Variants in CA9 observed in about 807,000 individuals in gnomAD.
The protein encoded by CA9 is carbonic anhydrase 9.
In CA9, 43 loss-of-function variants were observed where a neutral mutation model predicts 51.8. That is an observed-to-expected ratio of 0.83 (90% CI 0.65 to 1.07). The LOEUF (loss-of-function observed/expected upper bound fraction) is 1.07. CA9 is among the 50% of genes least tolerant of loss of function. CA9 has a pLI of 0.00. For missense variants in CA9, 574 were observed against 581.4 expected, an observed-to-expected ratio of 0.99 and a Z score of 0.13; for synonymous variants, 253 against 244.2, an observed-to-expected ratio of 1.04 and a Z score of -0.34.
At position 35,680,371 on chromosome 9, in the gene CA9, C is replaced by A. The variant is rs185638034; in HGVS notation, c.1237+232C>A. Among the ~76,000 whole-genome samples the A allele has an allele frequency of 3.1e-3, 473 of 152,232 alleles. 1 individual carries two copies. The highest frequency in any genetic ancestry group is 5.4e-3 in the Non-Finnish European group (365 of 68,024). ...ATCCCTCTCGCAAAACAATCCCCCCCCTTTTTTTAAAGATAGGGTCTCACT... is the reference window on the plus strand; with the variant it reads ...ATCCCTCTCGCAAAACAATCCCCCCACTTTTTTTAAAGATAGGGTCTCACT... On this transcript the variant is annotated intron_variant, in intron 9 of 10. Coordinates refer to ENST00000378357, the MANE Select transcript of CA9 (RefSeq NM_001216.3).
rs1587943549 is a variant in CA9, at chr9:35,674,426, A to G, written c.403+64A>G. 2.7e-6 allele frequency: 4 copies of G among 1,484,256 alleles called. No homozygotes were observed. The East Asian group carries it at 9.0e-5, about 34-fold the overall frequency. 91.9% of individuals were successfully genotyped at this position (1,484,256 alleles called of 1,614,324 possible). ...GTTCATGACTCCCCTCCCATACCCCAGCCTAGGCTCTGTTCACTCAGGGAA... is the reference window on the plus strand; with the variant it reads ...GTTCATGACTCCCCTCCCATACCCCGGCCTAGGCTCTGTTCACTCAGGGAA... On this transcript the variant is annotated intron_variant, in intron 1 of 10. Coordinates refer to ENST00000378357, the MANE Select transcript of CA9 (RefSeq NM_001216.3).
At chr9:35,676,726 G>A (rs754136277) in intron 5 of CA9, among the ~76,000 whole-genome samples, 116 of 152,206 alleles carry the variant, frequency 7.6e-4, no homozygotes, top group Non-Finnish European at 1.8e-4. Context: ...GGTGTTCATT[G>A]CAGAGGAAAC....
chr9:35,679,817 C>A, intron 7 of CA9, 37 bp from the exon 8 acceptor site: 3 of 1,545,042 alleles, frequency 1.9e-6, no homozygotes, highest in Non-Finnish European at 1.7e-6. Flanking sequence ...TCCTGTCATG[C>A]CATGAACCCA....
At position 35,674,334 on chromosome 9, in the gene CA9, C is replaced by T; in HGVS notation, c.375C>T (p.Pro125=). 2 of 1,613,210 alleles carry T rather than the reference C, an allele frequency of 1.2e-6. No homozygotes were observed. Among genetic ancestry groups the T allele is most frequent in the Non-Finnish European group, 1.7e-6 (2 of 1,179,740 alleles). Residue 125 remains proline, a synonymous_variant, in exon 1 of 11, where the codon CCC becomes CCT. Coordinates refer to ENST00000378357, the MANE Select transcript of CA9 (RefSeq NM_001216.3). ...AGGCTCCTGGAGATCCTCAAGAACC[C>T]CAGAATAATGCCCACAGGGACAAAG... The part of the protein sequence containing the change: ...TVEAPGDPQE[P]QNNAHRDKEG...
intron 1 of CA9, 61 bp downstream of exon 1, chr9:35,674,423 C>T: frequency 1.3e-6 from 2 of 1,495,112 alleles, no homozygotes; most frequent in East Asian, 2.3e-5. Flanking sequence ...CCTCCCATAC[C>T]CCAGCCTAGG....
chr9:35,676,569 G>A (rs1367576491), intron 5 of CA9, among the ~76,000 whole-genome samples, 180 bp downstream of exon 5: 1 of 152,186 alleles, frequency 6.6e-6, no homozygotes, highest in African/African-American at 2.4e-5. Context: ...CCCCCAACAA[G>A]GATTCTGAAG....
At chr9:35,679,407 A>G in intron 7 of CA9, 65 bp downstream of exon 7, 2 of 1,542,616 alleles carry the variant, frequency 1.3e-6, no homozygotes, top group South Asian at 1.2e-5. Flanking sequence ...TGAGATGAGA[A>G]ACAGGAGAAG....
rs1039792408 is a variant in CA9 at position 35,673,930 on chromosome 9, C to T, written c.-30C>T. On this transcript the variant is annotated 5_prime_UTR_variant, in exon 1 of 11. Transcript: ENST00000378357. ...CAATGCACGTACAGCCCGTACACACCGTGTGCTGGGACACCCCACAGTCAG... is the reference window on the plus strand; with the variant it reads ...CAATGCACGTACAGCCCGTACACACTGTGTGCTGGGACACCCCACAGTCAG... 5.1e-6 allele frequency: 8 copies of T among 1,562,890 alleles called. No homozygotes were observed. Among genetic ancestry groups the T allele is most frequent in the Non-Finnish European group, 6.9e-6 (8 of 1,152,902 alleles).
Position 35,681,043 on chromosome 9 carries a change from A to G in CA9, c.*18A>G, listed in dbSNP as rs1354985837. 1 of 1,611,928 alleles carries G rather than the reference A, an allele frequency of 6.2e-7. No homozygotes were observed. Among genetic ancestry groups the G allele is most frequent in the Non-Finnish European group, 8.5e-7 (1 of 1,179,044 alleles). The stretch of plus-strand genomic sequence containing the variant: ...GAGCCTAGAGGCTGGATCTTGGAGA[A>G]TGTGAGAAGCCAGCCAGAGGCATCT... On this transcript the variant is annotated 3_prime_UTR_variant, in exon 11 of 11. Coordinates refer to ENST00000378357, the MANE Select transcript of CA9 (RefSeq NM_001216.3).
In CA9 at chr9:35,680,978, G is replaced by T; in HGVS notation, c.1333G>T (p.Gly445Trp). The T allele has an allele frequency of 1.2e-6, 2 of 1,614,076 alleles. No homozygotes were observed. The highest frequency in any genetic ancestry group is 1.7e-5 in the Admixed American group (1 of 60,018). Reference sequence around the variant, plus strand: ...GTGTACACACAGAAGGGGAACCAAAGGGGGTGTGAGCTACCGCCCAGCAGA... The same window carrying T: ...GTGTACACACAGAAGGGGAACCAAATGGGGTGTGAGCTACCGCCCAGCAGA... ...MRRQHRRGTK[G>W]GVSYRPAEVA... The change falls in exon 11 of 11, where the codon GGG becomes TGG. Residue 445 changes from glycine (G) to tryptophan (W), a missense_variant. By Grantham distance (184) the Gly-to-Trp change is radical. Coordinates refer to ENST00000378357, the MANE Select transcript of CA9 (RefSeq NM_001216.3).
At chr9:35,674,988 C>CTTTT (rs551485462) in intron 1 of CA9, 3 of 133,018 alleles carry the variant, frequency 2.3e-5, no homozygotes, top group Admixed American at 7.6e-5. Context: ...TGCCCACTCA[C>CTTTT]TTTTTTTTTT....
rs1824392390 is a variant in CA9, at chr9:35,675,197, T to C, written c.404-341T>C. ...TTAGTAGAGACGGGGTTTCGCCATGTTGGTCAGGCTGGTCTCGAACTCCTG... is the reference window on the plus strand; with the variant it reads ...TTAGTAGAGACGGGGTTTCGCCATGCTGGTCAGGCTGGTCTCGAACTCCTG... On this transcript the variant is annotated intron_variant, in intron 1 of 10. Transcript: ENST00000378357. The C allele has an allele frequency of 2.1e-5, 6 of 286,974 alleles. No homozygotes were observed. In the South Asian group the frequency reaches 3.2e-4, roughly 15 times the overall value. 17.8% of individuals were successfully genotyped at this position (286,974 alleles called of 1,614,324 possible). A position where few individuals can be genotyped will look rare whatever the true frequency, so the allele number is the denominator to read the frequency against.
intron 7 of CA9, 31 bp from the exon 8 acceptor site, chr9:35,679,823 A>G: frequency 6.4e-7 from 1 of 1,550,676 alleles, no homozygotes; most frequent in Non-Finnish European, 8.7e-7. Context: ...CATGCCATGA[A>G]CCCACCCACA....
chr9:35,679,473 G>A, intron 7 of CA9, 131 bp downstream of exon 7: 1 of 1,146,636 alleles, frequency 8.7e-7, no homozygotes, highest in Non-Finnish European at 1.2e-6. Flanking sequence ...CACGTTGGGA[G>A]GCTGAGGTGG....
Position 35,680,155 on chromosome 9 carries a change from CT to C in CA9, c.1237+17del. On this transcript the variant is annotated intron_variant, in intron 9 of 10. Transcript: ENST00000378357. ...CTGGCTGCTGGTGAGTCTGCCCCTC[CT>C]CTTGGTCCTGATGCCAGGAGACTCC... is the stretch of plus-strand genomic sequence containing the variant. 6.2e-7 allele frequency: 1 copy of C among 1,614,224 alleles called. No individual in the cohort carries two copies. Among genetic ancestry groups the C allele is most frequent in the Non-Finnish European group, 8.5e-7 (1 of 1,180,040 alleles).
chr9:35,679,287 C>T lies in CA9; in HGVS notation c.1010C>T (p.Ala337Val), dbSNP rs1183013228. The T allele has an allele frequency of 2.5e-6, 4 of 1,614,084 alleles. No individual in the cohort carries two copies. The highest frequency in any genetic ancestry group is 1.7e-5 in the Admixed American group (1 of 60,010). Residue 337 changes from alanine (A) to valine (V), a missense_variant, in exon 7 of 11, where the codon GCC becomes GTC. Coordinates refer to ENST00000378357, the MANE Select transcript of CA9 (RefSeq NM_001216.3). Reference sequence around the variant, plus strand: ...GGGTCTCTGACTACACCGCCCTGTGCCCAGGGTGTCATCTGGACTGTGTTT... The same window carrying T: ...GGGTCTCTGACTACACCGCCCTGTGTCCAGGGTGTCATCTGGACTGTGTTT... ...YEGSLTTPPC[A>V]QGVIWTVFNQ...
chr9:35,677,934 C>T, intron 6 of CA9, 78 bp downstream of exon 6: 1 of 1,235,470 alleles, frequency 8.1e-7, no homozygotes, highest in Non-Finnish European at 1.2e-6. Flanking sequence ...AGGTCTGAGG[C>T]TGGAGATGGG....
chr9:35,676,068 A>T lies in CA9; in HGVS notation c.609A>T (p.Gln203His). The T allele has an allele frequency of 1.9e-6, 3 of 1,612,900 alleles. No homozygotes were observed. Among genetic ancestry groups the T allele is most frequent in the Non-Finnish European group, 2.5e-6 (3 of 1,179,714 alleles). Residue 203 changes from glutamine (Q) to histidine (H), a missense_variant, in exon 4 of 11, where the codon CAA becomes CAT. Gln to His is a conservative substitution (Grantham distance 24). Transcript: ENST00000378357. ...CACTTGCCTCTCCCTACGCAGTGCA[A>T]CTGACCCTGCCTCCTGGGCTAGAGA... ...LRLRNNGHSV[Q>H]LTLPPGLEMA...
chr9:35,675,701 C>A, intron 2 of CA9, 60 bp from the exon 3 acceptor site: 2 of 1,550,598 alleles, frequency 1.3e-6, no homozygotes, highest in Non-Finnish European at 1.8e-6. Flanking sequence ...CTTTTCTACC[C>A]GGGTTCCCTA....
Sources: gnomAD v4.1 joint callset for allele counts (sites outside exome capture counted in the v4.1 genomes callset) on GRCh38, gnomAD v4.1.1 for gene constraint, MANE v1.5 for transcripts, NCBI Gene and HGNC (gene_info 2026-07-23, HGNC 2026-07-21) for gene names.